Variants in TSR3 observed in about 807,000 individuals in gnomAD.
TSR3 encodes the protein TSR3 ribosome maturation factor.
In TSR3, 31 loss-of-function variants were observed where a neutral mutation model predicts 28.1. That is an observed-to-expected ratio of 1.10 (90% CI 0.83 to 1.49). TSR3 has a LOEUF of 1.49. TSR3 is among the 40% of genes most tolerant of loss of function. TSR3 has a pLI of 0.00. For synonymous variants in TSR3, 219 were observed against 197.2 expected (o/e 1.11, Z -0.93); for missense variants, 511 against 444.0 (o/e 1.15, Z -1.36).
intron 5 of TSR3, 108 bp downstream of exon 5, chr16:1,349,781 T>G: frequency 6.9e-7 from 1 of 1,446,270 alleles, no homozygotes; most frequent in Non-Finnish European, 9.6e-7. Flanking sequence ...CAGAAGACCA[T>G]CGGGGTGTTG....
chr16:1,350,713 C>T (rs2034648229), intron 3 of TSR3, 94 bp downstream of exon 3: 2 of 1,416,028 alleles, frequency 1.4e-6, no homozygotes, highest in African/African-American at 2.8e-5. Flanking sequence ...CCCTTATGCT[C>T]CTCCTGGGGT....
chr16:1,350,385 C>T (rs935272772), intron 3 of TSR3, 151 bp from the exon 4 acceptor site: 1 of 817,906 alleles, frequency 1.2e-6, no homozygotes, highest in African/African-American at 1.7e-5. Context: ...CGTGCTGCCC[C>T]CAGCCTGCAC....
chr16:1,351,065 G>A, intron 2 of TSR3, 65 bp from the exon 3 acceptor site: 2 of 1,516,770 alleles, frequency 1.3e-6, no homozygotes, highest in South Asian at 1.2e-5. Context: ...ATGCCCCGGA[G>A]AATGGCCTAG....
At chr16:1,351,175 T>G (rs544568837) in intron 2 of TSR3, among the ~76,000 whole-genome samples, 175 bp from the exon 3 acceptor site, 2 of 152,218 alleles carry the variant, frequency 1.3e-5, no homozygotes, top group Non-Finnish European at 2.9e-5. Context: ...CTGGAGCATG[T>G]GTTTATTCAC....
rs143790681 is a variant in TSR3 at position 1,349,599 on chromosome 16, C to A, written c.777G>T (p.Ser259=). 1.3e-6 allele frequency: 2 copies of A among 1,598,290 alleles called. No individual in the cohort carries two copies. The highest frequency in any genetic ancestry group is 2.2e-5 in the South Asian group (2 of 89,236). ...NRPVASTRLP[S]DTDDSDASED... The stretch of plus-strand genomic sequence containing the variant: ...CAGACGCATCACTGTCATCAGTGTC[C>A]GAGGGCAGCCTGGGAGAGGAGGGGG... Residue 259 remains serine (S), a synonymous_variant, in exon 6 of 6, where the codon TCG becomes TCT. Transcript: ENST00000007390.
chr16:1,351,048 G>A (rs1451589829), intron 2 of TSR3, 48 bp from the exon 3 acceptor site: 4 of 1,575,806 alleles, frequency 2.5e-6, no homozygotes, highest in East Asian at 4.5e-5. Flanking sequence ...ACTACCCAAG[G>A]TGGAGCATGC....
chr16:1,349,979 T>G (rs1404573420), intron 4 of TSR3, 27 bp from the exon 5 acceptor site: 2 of 1,612,968 alleles, frequency 1.2e-6, no homozygotes, highest in Non-Finnish European at 1.7e-6. Context: ...AAGTGGCCTC[T>G]AAGTGAGCTC....
chr16:1,350,821 GT>G lies in TSR3; in HGVS notation c.511del (p.Thr171ProfsTer5). The G allele has an allele frequency of 6.2e-7, 1 of 1,612,832 alleles. No individual in the cohort carries two copies. Among genetic ancestry groups the G allele is most frequent in the Non-Finnish European group, 8.5e-7 (1 of 1,179,822 alleles). The stretch of plus-strand genomic sequence containing the variant: ...CCTGGACTCACCTACGATGCAGAAG[GT>G]GGCAGCAAACGCTTCCACGCAGGAA... Reference protein sequence around the residue: ...RLSCVEAFAATFCIVGFPDLA... With the variant: ...RLSCVEAFAAXFCIVGFPDLA... On this transcript the variant is annotated frameshift_variant, in exon 3 of 6. Coordinates refer to ENST00000007390, the MANE Select transcript of TSR3 (RefSeq NM_001001410.3). LOFTEE classifies it high-confidence loss of function.
At position 1,349,378 on chromosome 16, in the gene TSR3, C is replaced by A; in HGVS notation, c.*59G>T. On this transcript the variant is annotated 3_prime_UTR_variant, in exon 6 of 6. Coordinates refer to ENST00000007390, the MANE Select transcript of TSR3 (RefSeq NM_001001410.3). ...CCGAGGCTGCCAGGCCCATTTATGTCCCTCATGTCTCTAGATTTTCTCGTC... is the reference window on the plus strand; with the variant it reads ...CCGAGGCTGCCAGGCCCATTTATGTACCTCATGTCTCTAGATTTTCTCGTC... The A allele has an allele frequency of 6.3e-7, 1 of 1,599,248 alleles. No homozygotes were observed. The highest frequency in any genetic ancestry group is 8.6e-7 in the Non-Finnish European group (1 of 1,167,438).
rs1296066947 is a variant in TSR3 at position 1,349,484 on chromosome 16, C to T, written c.892G>A (p.Ala298Thr). ...QTQGRGAEARAPAEVWKGIKK... is the reference protein window; with the variant it reads ...QTQGRGAEARTPAEVWKGIKK... Reference sequence around the variant, plus strand: ...ATTCCTTTCCAAACCTCAGCCGGGGCCCTGGCCTCAGCCCCCCGTCCCTGC... The same window carrying T: ...ATTCCTTTCCAAACCTCAGCCGGGGTCCTGGCCTCAGCCCCCCGTCCCTGC... Residue 298 changes from alanine (A) to threonine (T), a missense_variant, in exon 6 of 6, where the codon GCC becomes ACC. Physicochemically the swap from Ala to Thr is moderately conservative, Grantham distance 58. Coordinates refer to ENST00000007390, the MANE Select transcript of TSR3 (RefSeq NM_001001410.3). The T allele has an allele frequency of 1.9e-6, 3 of 1,613,776 alleles. No homozygotes were observed. The highest frequency in any genetic ancestry group is 2.5e-6 in the Non-Finnish European group (3 of 1,179,972).
chr16:1,350,928 C>T lies in TSR3; in HGVS notation c.405G>A (p.Gly135=), dbSNP rs773425228. 6.2e-7 allele frequency: 1 copy of T among 1,612,966 alleles called. No individual in the cohort carries two copies. The highest frequency in any genetic ancestry group is 1.1e-5 in the South Asian group (1 of 91,084). Residue 135 remains glycine, a synonymous_variant, in exon 3 of 6, where the codon GGG becomes GGA. Coordinates refer to ENST00000007390, the MANE Select transcript of TSR3 (RefSeq NM_001001410.3). Reference sequence around the variant, plus strand: ...GGCGCAAGTGGCTCCCTCGCATCTTCCCAAACGGTGTCTCGTCCAGCCTGG... The same window carrying T: ...GGCGCAAGTGGCTCCCTCGCATCTTTCCAAACGGTGTCTCGTCCAGCCTGG... ...SWARLDETPF[G]KMRGSHLRLL... is the part of the protein sequence containing the mutation.
In TSR3 at chr16:1,351,580, G is replaced by GC; in HGVS notation, c.130dup (p.Ala44GlyfsTer3). Reference sequence around the variant, plus strand: ...GCCCGGGCCGCCCTCGCCGTCAGCCGCCCCTGGCTCCACGGAAGCTGCACG... The same window carrying GC: ...GCCCGGGCCGCCCTCGCCGTCAGCCGCCCCCTGGCTCCACGGAAGCTGCACG... On this transcript the variant is annotated frameshift_variant, in exon 2 of 6. Coordinates refer to ENST00000007390, the MANE Select transcript of TSR3 (RefSeq NM_001001410.3). LOFTEE classifies it high-confidence loss of function. 1 of 1,474,128 alleles carries GC rather than the reference G, an allele frequency of 6.8e-7. No individual in the cohort carries two copies. 91.3% of individuals were successfully genotyped at this position (1,474,128 alleles called of 1,614,324 possible).
rs1188822236 is a variant in TSR3 at position 1,349,600 on chromosome 16, G to A, written c.776C>T (p.Ser259Leu). 25 of 1,598,332 alleles carry A rather than the reference G, an allele frequency of 1.6e-5. No individual in the cohort carries two copies. The highest frequency in any genetic ancestry group is 6.9e-5 in the Admixed American group (4 of 57,804). Reference protein sequence around the residue: ...NRPVASTRLPSDTDDSDASED... With the variant: ...NRPVASTRLPLDTDDSDASED... ...AGACGCATCACTGTCATCAGTGTCC[G>A]AGGGCAGCCTGGGAGAGGAGGGGGA... The change falls in exon 6 of 6, where the codon TCG (serine) becomes TTG (leucine). Residue 259 changes from serine to leucine, a missense_variant. Physicochemically the swap from Ser to Leu is moderately radical, Grantham distance 145. Transcript: ENST00000007390.
At chr16:1,349,785 G>GGTGTT (rs2034617231) in intron 5 of TSR3, 104 bp downstream of exon 5, 2 of 1,458,962 alleles carry the variant, frequency 1.4e-6, no homozygotes, top group Admixed American at 1.8e-5. Context: ...AGACCATCGG[G>GGTGTT]GTGTTGTTTA....
chr16:1,350,004 C>A (rs1218374224), intron 4 of TSR3, 52 bp from the exon 5 acceptor site: 3 of 1,611,566 alleles, frequency 1.9e-6, no homozygotes, highest in Non-Finnish European at 1.7e-6. Context: ...CAGGACCAGG[C>A]CTCCCACCCC....
chr16:1,349,579 G>T lies in TSR3; in HGVS notation c.797C>A (p.Ala266Glu), dbSNP rs758972532. The change falls in exon 6 of 6, where the codon GCG becomes GAG. Residue 266 changes from alanine (A) to glutamate (E), a missense_variant. Transcript: ENST00000007390. ...GGCGCCAGGCCCTGGGTCCTCAGAC[G>T]CATCACTGTCATCAGTGTCCGAGGG... ...RLPSDTDDSD[A>E]SEDPGPGAER... 13 of 1,610,124 alleles carry T rather than the reference G, an allele frequency of 8.1e-6. No homozygotes were observed. Among genetic ancestry groups the T allele is most frequent in the Admixed American group, 1.7e-5 (1 of 59,420 alleles).
At chr16:1,349,821 G>C in intron 5 of TSR3, 68 bp downstream of exon 5, 3 of 1,582,672 alleles carry the variant, frequency 1.9e-6, no homozygotes, top group Non-Finnish European at 2.6e-6. Flanking sequence ...GCAGCAGGAA[G>C]GGCTCAGGCC....
In TSR3 at chr16:1,351,745, G is replaced by C; in HGVS notation, c.60C>G (p.Leu20=). 2 of 1,361,446 alleles carry C rather than the reference G, an allele frequency of 1.5e-6. No individual in the cohort carries two copies. The highest frequency in any genetic ancestry group is 1.5e-5 in the African/African-American group (1 of 65,252). 84.3% of individuals were successfully genotyped at this position (1,361,446 alleles called of 1,614,324 possible). ...PGAEGGRPRH[L]PTRSLEAFAE... is the part of the protein sequence containing the mutation. ...CGAAGGCCTCCAGGGAGCGCGTCGG[G>C]AGGTGCCGAGGGCGGCCGCCTTCCG... is the stretch of plus-strand genomic sequence containing the variant. The change falls in exon 1 of 6, where the codon CTC becomes CTG. Residue 20 remains leucine, a synonymous_variant. Coordinates refer to ENST00000007390, the MANE Select transcript of TSR3 (RefSeq NM_001001410.3).
At chr16:1,349,802 C>T in intron 5 of TSR3, 87 bp downstream of exon 5, 1 of 1,531,394 alleles carries the variant, frequency 6.5e-7, no homozygotes, top group South Asian at 1.1e-5. Context: ...TTTACAACAC[C>T]ACCCCCAGGC....
Sources: gnomAD v4.1 joint callset for allele counts (sites outside exome capture counted in the v4.1 genomes callset) on GRCh38, gnomAD v4.1.1 for gene constraint, MANE v1.5 for transcripts, NCBI Gene and HGNC (gene_info 2026-07-23, HGNC 2026-07-21) for gene names.